The following NDST3 variants were observed in gnomAD, a reference collection of about 807,000 sequenced individuals.
The protein encoded by NDST3 is bifunctional heparan sulfate N-deacetylase/N-sulfotransferase 3.
Under a neutral mutation model 96.1 loss-of-function variants are expected in NDST3, and 58 were observed. That is an observed-to-expected ratio of 0.60 (90% CI 0.49 to 0.75). The LOEUF (loss-of-function observed/expected upper bound fraction) is 0.75, where lower values mean the gene tolerates loss of function less well. Ranked by LOEUF, NDST3 falls within the 30% of genes least tolerant of loss-of-function variation. NDST3 has a pLI of 0.00. For synonymous variants in NDST3, 333 were observed against 359.7 expected, an observed-to-expected ratio of 0.93 and a Z score of 0.84; for missense variants, 788 against 1,034.2, an observed-to-expected ratio of 0.76 and a Z score of 3.27.
At chr4:118,194,001 TC>T in intron 6 of NDST3, 2 of 1,129,408 alleles carry the variant, frequency 1.8e-6, no homozygotes, top group South Asian at 2.5e-5. Context: ...TCTGAATTCA[TC>T]TCCCAAGACT....
At chr4:118,187,794 C>T (rs1737061112) in intron 6 of NDST3, among the ~76,000 whole-genome samples, 1 of 152,108 alleles carries the variant, frequency 6.6e-6, no homozygotes, top group Non-Finnish European at 1.5e-5. Context: ...TTAGCTTTAC[C>T]TTAAGAGTTC....
intron 4 of NDST3, among the ~76,000 whole-genome samples, chr4:118,126,371 TG>T (rs1005549618): frequency 2.6e-5 from 4 of 151,924 alleles, no homozygotes; most frequent in African/African-American, 9.7e-5. Flanking sequence ...GAACATGTGA[TG>T]TTTGTCTTTC....
At chr4:118,233,677 T>G (rs920106341) in intron 9 of NDST3, among the ~76,000 whole-genome samples, 1 of 152,106 alleles carries the variant, frequency 6.6e-6, no homozygotes, top group Non-Finnish European at 1.5e-5. Context: ...ATATCAACCA[T>G]CTGAACAAAC....
chr4:118,185,535 C>A lies in NDST3; in HGVS notation c.1540-38956C>A, dbSNP rs541484203. Among the ~76,000 whole-genome samples, 142 of 151,562 alleles carry A rather than the reference C, an allele frequency of 9.4e-4. 1 individual carries two copies. The highest frequency in any genetic ancestry group is 1.7e-3 in the Non-Finnish European group (115 of 67,916). On this transcript the variant is annotated intron_variant, in intron 6 of 13. Transcript: ENST00000296499. ...ATATCATTAAAAGAAAAACCTTAGA[C>A]AAATTAAATTTAACAGTTTAATTGA...
chr4:118,254,749 G>A (rs631271), intron 13 of NDST3, among the ~76,000 whole-genome samples: 45,591 of 151,964 alleles, frequency 0.3, 8,216 homozygotes, highest in Middle Eastern at 0.43. Flanking sequence ...ACCCTAAGAT[G>A]GTCTGAGGAT....
At chr4:118,216,292 G>T (rs1739190345) in intron 6 of NDST3, among the ~76,000 whole-genome samples, 1 of 152,048 alleles carries the variant, frequency 6.6e-6, no homozygotes, top group South Asian at 2.1e-4. Flanking sequence ...TTAAGAGGTT[G>T]GAAGGCTGTC....
At chr4:118,055,748 T>C (rs1725386470) in intron 2 of NDST3, 1 of 151,964 alleles carries the variant, frequency 6.6e-6, no homozygotes, top group Non-Finnish European at 1.5e-5. Context: ...TTTTGATACA[T>C]AGTTTTTATT....
At chr4:118,108,939 G>C (rs990075120) in intron 3 of NDST3, among the ~76,000 whole-genome samples, 3 of 152,140 alleles carry the variant, frequency 2.0e-5, no homozygotes, top group African/African-American at 7.2e-5. Flanking sequence ...GATTCATTGA[G>C]TTGGTTCTTA....
intron 6 of NDST3, among the ~76,000 whole-genome samples, chr4:118,160,379 GCCTA>G (rs1735014045): frequency 6.6e-6 from 1 of 151,720 alleles, no homozygotes; most frequent in Non-Finnish European, 1.5e-5. Flanking sequence ...TAAATAGACA[GCCTA>G]CAAAATGGGA....
intron 8 of NDST3, among the ~76,000 whole-genome samples, chr4:118,227,564 G>A (rs1421212306): frequency 6.7e-6 from 1 of 149,356 alleles, no homozygotes; most frequent in African/African-American, 2.5e-5. Context: ...TTCTTAAATT[G>A]ATGTGCAATT....
At chr4:118,056,958 TATGTACTTAAGC>T (rs1386196503) in intron 2 of NDST3, among the ~76,000 whole-genome samples, 1 of 151,924 alleles carries the variant, frequency 6.6e-6, no homozygotes, top group Non-Finnish European at 1.5e-5. Flanking sequence ...TGTACTTAAG[TATGTACTTAAGC>T]ATGTAGGACA....
At chr4:118,106,613 G>T (rs1489984887) in intron 3 of NDST3, among the ~76,000 whole-genome samples, 7 of 151,804 alleles carry the variant, frequency 4.6e-5, no homozygotes, top group Non-Finnish European at 7.4e-5. Flanking sequence ...TCAGATAGGG[G>T]TCTTTTTTTC....
intron 6 of NDST3, among the ~76,000 whole-genome samples, chr4:118,217,087 GC>G (rs1391819806): frequency 1.3e-5 from 2 of 152,088 alleles, no homozygotes; most frequent in African/African-American, 4.8e-5. Context: ...CATTGCATTT[GC>G]CTTGAGAGAT....
intron 4 of NDST3, 29 bp from the exon 5 acceptor site, chr4:118,138,025 C>A: frequency 1.3e-6 from 2 of 1,534,254 alleles, no homozygotes; most frequent in Non-Finnish European, 1.8e-6. Flanking sequence ...AATCTTTACA[C>A]GCTCCAATTA....
intron 3 of NDST3, among the ~76,000 whole-genome samples, chr4:118,109,362 G>A (rs1206835754): frequency 6.6e-6 from 1 of 152,184 alleles, no homozygotes; most frequent in Non-Finnish European, 1.5e-5. Context: ...GGACAGCCCA[G>A]ATATGCTCAA....
chr4:118,033,866 C>G (rs1724007662), upstream of NDST3: 1 of 152,260 alleles, frequency 6.6e-6, no homozygotes, highest in African/African-American at 2.4e-5. Context: ...CGGCTGAGGC[C>G]GAAGACCCGA....
At chr4:118,249,731 T>TACACACACACAGACACAC (rs150462119) in intron 12 of NDST3, among the ~76,000 whole-genome samples, 3 of 145,498 alleles carry the variant, frequency 2.1e-5, no homozygotes, top group Non-Finnish European at 4.6e-5. Flanking sequence ...CAGCCCCACA[T>TACACACACACAGACACAC]ACACACACAC....
intron 6 of NDST3, among the ~76,000 whole-genome samples, chr4:118,208,531 A>C (rs1272943617): frequency 6.9e-6 from 1 of 144,390 alleles, no homozygotes; most frequent in Non-Finnish European, 1.5e-5. Context: ...TCTTTGTGAC[A>C]AACTTTACTT....
At chr4:118,119,816 A>G (rs1466217899) in intron 4 of NDST3, among the ~76,000 whole-genome samples, 3 of 152,108 alleles carry the variant, frequency 2.0e-5, no homozygotes, top group African/African-American at 7.2e-5. Flanking sequence ...AATCTCCCCC[A>G]TTACTCAGGA....
Sources: gnomAD v4.1 joint callset for allele counts (sites outside exome capture counted in the v4.1 genomes callset) on GRCh38, gnomAD v4.1.1 for gene constraint, MANE v1.5 for transcripts, NCBI Gene and HGNC (gene_info 2026-07-23, HGNC 2026-07-21) for gene names.